The following CSMD1 variants were observed in gnomAD, a reference collection of about 807,000 sequenced individuals.
CSMD1 encodes CUB and Sushi multiple domains 1, also known as CUB and sushi domain-containing protein 1.
CSMD1 carries 213 observed loss-of-function variants against 417.5 expected under a neutral mutation model. The ratio of observed to expected loss-of-function variants is 0.51; its 90% CI spans 0.46 to 0.57. CSMD1 has a LOEUF of 0.57. CSMD1 is among the 20% of genes least tolerant of loss of function. The probability of loss-of-function intolerance (pLI) is 0.00; values close to 1 mark genes in which losing one functional copy is unlikely to be tolerated. For synonymous variants in CSMD1, 2,862 were observed against 1,736.8 expected (o/e 1.65, Z -16.11); for missense variants, 6,923 against 4,529.7 (o/e 1.53, Z -15.17).
chr8:2,965,710 A>G, intron 59 of CSMD1, 65 bp downstream of exon 59: 1 of 1,430,008 alleles, frequency 7.0e-7, no homozygotes, highest in Non-Finnish European at 9.6e-7. Flanking sequence ...GCAAAATTAA[A>G]CAAAGCATAA....
intron 5 of CSMD1, among the ~76,000 whole-genome samples, chr8:3,896,731 C>T (rs1052627593): frequency 5.9e-5 from 9 of 151,772 alleles, no homozygotes; most frequent in African/African-American, 1.5e-4. Flanking sequence ...AGGATGGTCT[C>T]GATCCTGAAT....
intron 5 of CSMD1, among the ~76,000 whole-genome samples, chr8:3,897,523 C>G (rs764002361): frequency 2.0e-5 from 3 of 151,890 alleles, no homozygotes; most frequent in Non-Finnish European, 4.4e-5. Flanking sequence ...ATGCTTAAAG[C>G]CTGTGTACAC....
intron 3 of CSMD1, among the ~76,000 whole-genome samples, chr8:4,057,975 C>G (rs1228342764): frequency 6.6e-6 from 1 of 151,018 alleles, no homozygotes; most frequent in African/African-American, 2.4e-5. Flanking sequence ...GGTGATGCCT[C>G]CAGCTTTGTT....
At chr8:3,100,591 G>C (rs778064230) in intron 46 of CSMD1, among the ~76,000 whole-genome samples, 1 of 152,188 alleles carries the variant, frequency 6.6e-6, no homozygotes, top group Non-Finnish European at 1.5e-5. Flanking sequence ...GGGAGCACCT[G>C]TCAAAAACAC....
chr8:4,138,525 T>G (rs912857538), intron 3 of CSMD1, among the ~76,000 whole-genome samples: 13 of 152,072 alleles, frequency 8.5e-5, no homozygotes, highest in Non-Finnish European at 1.8e-4. Context: ...GAGACATATT[T>G]TGAGGAAAGT....
At position 3,237,944 on chromosome 8, in the gene CSMD1, A is replaced by G. The variant is rs187181951; in HGVS notation, c.4154-7713T>C. On this transcript the variant is annotated intron_variant, in intron 26 of 69. Transcript: ENST00000635120. ...ATATTTATTTTATGATATGCTATAT[A>G]TTATATATTTATTTTATAATATATA... is the stretch of plus-strand genomic sequence containing the variant. 2.4e-4 allele frequency among the ~76,000 whole-genome samples: 36 copies of G among 147,488 alleles called. 1 individual carries two copies. The highest frequency in any genetic ancestry group is 8.6e-4 in the African/African-American group (35 of 40,504).
At chr8:4,940,119 T>G (rs1413564461) in intron 1 of CSMD1, among the ~76,000 whole-genome samples, 2 of 152,060 alleles carry the variant, frequency 1.3e-5, no homozygotes, top group Admixed American at 1.3e-4. Context: ...GAGGAGGTCT[T>G]GGCTCCCCCT....
chr8:3,727,447 G>T (rs754212642), intron 6 of CSMD1, among the ~76,000 whole-genome samples: 5 of 152,176 alleles, frequency 3.3e-5, no homozygotes, highest in Admixed American at 2.6e-4. Flanking sequence ...TCTAACATGA[G>T]GGTGACCAAT....
intron 8 of CSMD1, among the ~76,000 whole-genome samples, chr8:3,608,713 G>A (rs2449243): frequency 0.45 from 67,980 of 149,492 alleles, 16,559 homozygotes; most frequent in African/African-American, 0.63. Flanking sequence ...GCAGTAAGCC[G>A]ACATCATGCC....
chr8:3,283,102 A>T (rs1436772048), intron 26 of CSMD1, among the ~76,000 whole-genome samples: 3 of 152,176 alleles, frequency 2.0e-5, no homozygotes, highest in African/African-American at 7.2e-5. Flanking sequence ...ATTATAGTTC[A>T]CGTGTGCAGA....
chr8:3,142,105 A>G (rs918359938), intron 41 of CSMD1, among the ~76,000 whole-genome samples: 1 of 152,082 alleles, frequency 6.6e-6, no homozygotes, highest in Non-Finnish European at 1.5e-5. Context: ...CCGCCAAATT[A>G]TCTTTAAAAA....
chr8:3,651,135 C>A (rs1797832189), intron 7 of CSMD1, among the ~76,000 whole-genome samples: 1 of 152,192 alleles, frequency 6.6e-6, no homozygotes, highest in Non-Finnish European at 1.5e-5. Context: ...TTGATTACAG[C>A]AGTAGCTTTC....
intron 2 of CSMD1, among the ~76,000 whole-genome samples, chr8:4,567,100 T>G (rs1328197482): frequency 2.0e-5 from 3 of 150,638 alleles, no homozygotes; most frequent in Non-Finnish European, 2.9e-5. Context: ...TATTTTAAAA[T>G]GTATGGCTTT....
chr8:4,320,806 A>G (rs1333754839), intron 3 of CSMD1, among the ~76,000 whole-genome samples: 1 of 152,164 alleles, frequency 6.6e-6, no homozygotes, highest in African/African-American at 2.4e-5. Context: ...AACTAGACCT[A>G]CCATTTGACC....
At chr8:3,273,787 A>G (rs1802059216) in intron 26 of CSMD1, among the ~76,000 whole-genome samples, 1 of 138,354 alleles carries the variant, frequency 7.2e-6, no homozygotes, top group African/African-American at 2.8e-5. Flanking sequence ...TATCCCCTTT[A>G]TCATTTTTAT....
At chr8:4,047,562 T>C (rs192626787) in intron 3 of CSMD1, among the ~76,000 whole-genome samples, 2 of 152,038 alleles carry the variant, frequency 1.3e-5, no homozygotes, top group African/African-American at 4.8e-5. Flanking sequence ...ATTTATAGAA[T>C]GCAAATTATG....
chr8:4,395,825 C>A (rs1186905497), intron 3 of CSMD1, among the ~76,000 whole-genome samples: 1 of 152,068 alleles, frequency 6.6e-6, no homozygotes, highest in Non-Finnish European at 1.5e-5. Flanking sequence ...AAAGTAGATA[C>A]ACATTAACTT....
chr8:3,277,539 G>GATCTACAGA (rs1802393661), intron 26 of CSMD1, among the ~76,000 whole-genome samples: 1 of 152,146 alleles, frequency 6.6e-6, no homozygotes, highest in Non-Finnish European at 1.5e-5. Context: ...ATCTACAGAG[G>GATCTACAGA]TCTAAAAATG....
At position 4,081,209 on chromosome 8, in the gene CSMD1, G is replaced by A. The variant is rs144092026; in HGVS notation, c.416-49110C>T. On this transcript the variant is annotated intron_variant, in intron 3 of 69. Coordinates refer to ENST00000635120, the MANE Select transcript of CSMD1 (RefSeq NM_033225.6). Reference sequence around the variant, plus strand: ...ATTTATAAATTATCCAGTCTGTGGCGTTTTGTTATGCAGCAGGAACAGTCT... The same window carrying A: ...ATTTATAAATTATCCAGTCTGTGGCATTTTGTTATGCAGCAGGAACAGTCT... Among the ~76,000 whole-genome samples the A allele has an allele frequency of 3.1e-4, 47 of 152,244 alleles. 1 individual carries two copies. In the South Asian group the frequency reaches 5.2e-3, roughly 17 times the overall value.
Sources: allele counts gnomAD v4.1 joint callset (sites outside exome capture counted in the v4.1 genomes callset), GRCh38; gene constraint gnomAD v4.1.1; transcripts MANE v1.5; gene names NCBI Gene and HGNC (gene_info 2026-07-23, HGNC 2026-07-21).